The following EEA1 variants were observed in gnomAD, a reference collection of about 807,000 sequenced individuals.
EEA1 encodes the protein early endosome antigen 1, also known as early endosome antigen 1, 162kD.
In EEA1, 111 loss-of-function variants were observed where a neutral mutation model predicts 209.2. The ratio of observed to expected loss-of-function variants is 0.53; its 90% CI spans 0.45 to 0.62. The LOEUF (loss-of-function observed/expected upper bound fraction) is 0.62. Among genes scored for constraint, EEA1 ranks in the 20% least tolerant of loss-of-function variants. The pLI, the probability that EEA1 is intolerant of heterozygous loss-of-function variation, is 0.00. For synonymous variants in EEA1, 536 were observed against 540.6 expected, an observed-to-expected ratio of 0.99 and a Z score of 0.12; for missense variants, 1,343 against 1,530.8, an observed-to-expected ratio of 0.88 and a Z score of 2.05.
chr12:92,868,120 C>T (rs762930441), intron 2 of EEA1, among the ~76,000 whole-genome samples: 6 of 152,102 alleles, frequency 3.9e-5, no homozygotes, highest in Non-Finnish European at 8.8e-5. Flanking sequence ...AATGAGCAAA[C>T]GGTAGTATTG....
In EEA1 at chr12:92,802,710, T is replaced by C. The variant is rs765457626; in HGVS notation, c.2364A>G (p.Leu788=). 1.9e-6 allele frequency: 3 copies of C among 1,596,890 alleles called. No homozygotes were observed. The highest frequency in any genetic ancestry group is 1.2e-5 in the South Asian group (1 of 86,220). The change falls in exon 19 of 29, where the codon CTA becomes CTG. Residue 788 remains leucine, a synonymous_variant. Transcript: ENST00000322349. ...KEIVSSTRLD[L]QKKSEALESI... is the part of the protein sequence containing the mutation. The stretch of plus-strand genomic sequence containing the variant: ...TTTCAAGGGCTTCAGATTTTTTCTG[T>C]AGATCCAATCTTGTACTGGATACTC...
In EEA1 at chr12:92,870,667, T is replaced by C. The variant is rs576631801; in HGVS notation, c.118-5680A>G. Among the ~76,000 whole-genome samples the C allele has an allele frequency of 6.6e-5, 10 of 152,246 alleles. No homozygotes were observed. In the East Asian group the frequency reaches 1.9e-3, roughly 29 times the overall value. On this transcript the variant is annotated intron_variant, in intron 2 of 28. Coordinates refer to ENST00000322349, the MANE Select transcript of EEA1 (RefSeq NM_003566.4). The stretch of plus-strand genomic sequence containing the variant: ...TTATATGCAAAGTCTTTTTCCTTTT[T>C]TTTTTTTGGCGGTGGTGGGGCAGGG...
At chr12:92,785,121 TTCTAAA>T (rs1421906086) in intron 22 of EEA1, among the ~76,000 whole-genome samples, 9 of 152,138 alleles carry the variant, frequency 5.9e-5, no homozygotes, top group South Asian at 2.1e-4. Flanking sequence ...TTATATTTAA[TTCTAAA>T]TCTATTATCC....
At chr12:92,880,448 G>A (rs576798867) in intron 2 of EEA1, among the ~76,000 whole-genome samples, 8 of 152,136 alleles carry the variant, frequency 5.3e-5, no homozygotes, top group South Asian at 2.1e-4. Flanking sequence ...GGGATTACAC[G>A]CACACGCCAC....
chr12:92,801,830 A>T, intron 19 of EEA1, 129 bp from the exon 20 acceptor site: 1 of 532,362 alleles, frequency 1.9e-6, no homozygotes, highest in African/African-American at 2.0e-5. Context: ...ATGAGACAGG[A>T]TCATCCATTT....
intron 2 of EEA1, among the ~76,000 whole-genome samples, chr12:92,865,985 G>A (rs1592745713): frequency 6.6e-6 from 1 of 151,490 alleles, no homozygotes; most frequent in Non-Finnish European, 1.5e-5. Flanking sequence ...CTGACCTCAG[G>A]TGATCCACCC....
At chr12:92,820,437 G>A (rs920402754) in intron 13 of EEA1, among the ~76,000 whole-genome samples, 3 of 152,026 alleles carry the variant, frequency 2.0e-5, no homozygotes, top group Admixed American at 2.0e-4. Context: ...AATGACAAAA[G>A]GCAACCAAAC....
At chr12:92,790,696 T>C (rs1874362124) in intron 21 of EEA1, among the ~76,000 whole-genome samples, 1 of 152,184 alleles carries the variant, frequency 6.6e-6, no homozygotes, top group South Asian at 2.1e-4. Flanking sequence ...TGGAAAACAC[T>C]CTTCAGGATA....
intron 2 of EEA1, among the ~76,000 whole-genome samples, chr12:92,869,184 G>A (rs747759932): frequency 2.0e-5 from 3 of 152,080 alleles, no homozygotes; most frequent in South Asian, 2.1e-4. Context: ...CAAGGGGATC[G>A]AGGTTGCTAG....
At position 92,794,192 on chromosome 12, in the gene EEA1, G is replaced by A. The variant is rs528394367; in HGVS notation, c.2967+4700C>T. 2.7e-4 allele frequency among the ~76,000 whole-genome samples: 41 copies of A among 152,198 alleles called. No homozygotes were observed. In the East Asian group the frequency reaches 5.4e-3, roughly 20 times the overall value. On this transcript the variant is annotated intron_variant, in intron 21 of 28. Transcript: ENST00000322349. The stretch of plus-strand genomic sequence containing the variant: ...AAACCACTATGAGATACCATCTCAC[G>A]CCAGTTAGAATGGCAATCATTAAAA...
chr12:92,885,236 C>T (rs1178541055), intron 2 of EEA1, among the ~76,000 whole-genome samples: 1 of 152,024 alleles, frequency 6.6e-6, no homozygotes, highest in Non-Finnish European at 1.5e-5. Context: ...GGGTCAACTA[C>T]ACGCTATAAA....
intron 8 of EEA1, 96 bp downstream of exon 8, chr12:92,852,079 A>G: frequency 9.9e-7 from 1 of 1,014,642 alleles, no homozygotes; most frequent in East Asian, 2.9e-5. Flanking sequence ...GATTTCACTC[A>G]AATTATATTT....
intron 21 of EEA1, among the ~76,000 whole-genome samples, chr12:92,795,858 A>G (rs1024250404): frequency 5.9e-5 from 9 of 152,216 alleles, no homozygotes; most frequent in Non-Finnish European, 8.8e-5. Context: ...TTTTTCACAA[A>G]TCTAGGTTTC....
intron 21 of EEA1, among the ~76,000 whole-genome samples, chr12:92,792,251 C>A (rs1874438414): frequency 6.6e-6 from 1 of 151,666 alleles, no homozygotes; most frequent in South Asian, 2.1e-4. Context: ...CAAGCAAGCA[C>A]AAGGCAAGAA....
At chr12:92,779,535 G>GA (rs201381117) in intron 24 of EEA1, among the ~76,000 whole-genome samples, 20 of 149,856 alleles carry the variant, frequency 1.3e-4, no homozygotes, top group Non-Finnish European at 2.1e-4. Context: ...ATTATGTGGA[G>GA]AAAAAAAAAC....
intron 28 of EEA1, among the ~76,000 whole-genome samples, chr12:92,776,339 A>G (rs1203407006): frequency 6.6e-6 from 1 of 151,874 alleles, no homozygotes; most frequent in Non-Finnish European, 1.5e-5. Context: ...ACTATGCTAA[A>G]CATTTTACAT....
At chr12:92,870,997 C>T (rs1878619369) in intron 2 of EEA1, among the ~76,000 whole-genome samples, 1 of 152,162 alleles carries the variant, frequency 6.6e-6, no homozygotes. Context: ...GCGTGAGCCA[C>T]AGTGCCCAGC....
intron 10 of EEA1, among the ~76,000 whole-genome samples, chr12:92,833,775 A>T (rs1253209705): frequency 6.6e-6 from 1 of 152,230 alleles, no homozygotes; most frequent in Non-Finnish European, 1.5e-5. Flanking sequence ...CTCTAAATGA[A>T]ATACACACAA....
intron 23 of EEA1, among the ~76,000 whole-genome samples, chr12:92,780,838 C>T (rs1397773755): frequency 3.9e-5 from 6 of 152,118 alleles, no homozygotes; most frequent in Non-Finnish European, 4.4e-5. Context: ...AATAATCTAT[C>T]AGAGATAGAG....
Sources: gnomAD v4.1 joint callset for allele counts (sites outside exome capture counted in the v4.1 genomes callset) on GRCh38, gnomAD v4.1.1 for gene constraint, MANE v1.5 for transcripts, NCBI Gene and HGNC (gene_info 2026-07-23, HGNC 2026-07-21) for gene names.